Variants in RBMS3 observed in about 807,000 individuals in gnomAD.
RBMS3 encodes RNA binding motif single stranded interacting protein 3, also known as RNA-binding motif, single-stranded-interacting protein 3.
A neutral mutation model predicts 66.8 loss-of-function variants in RBMS3; 27 were observed. The ratio of observed to expected loss-of-function variants is 0.40; its 90% CI spans 0.30 to 0.56. The LOEUF is 0.56. RBMS3 is among the 20% of genes least tolerant of loss of function. RBMS3 has a pLI of 0.40. For missense variants in RBMS3, 513 were observed against 549.5 expected (o/e 0.93, Z 0.66); for synonymous variants, 188 against 183.0 (o/e 1.03, Z -0.22).
intron 1 of RBMS3, among the ~76,000 whole-genome samples, chr3:29,337,076 G>A (rs928209796): frequency 1.3e-4 from 19 of 151,692 alleles, no homozygotes; most frequent in Admixed American, 9.2e-4. Context: ...CATATAATAT[G>A]GTTAATTATT....
intron 3 of RBMS3, among the ~76,000 whole-genome samples, chr3:29,560,651 T>C (rs1424848509): frequency 6.6e-6 from 1 of 152,138 alleles, no homozygotes; most frequent in Non-Finnish European, 1.5e-5. Flanking sequence ...AATTAAAGAA[T>C]GTTGTGATTT....
At chr3:29,375,845 T>C (rs2038435705) in intron 1 of RBMS3, among the ~76,000 whole-genome samples, 1 of 152,164 alleles carries the variant, frequency 6.6e-6, no homozygotes, top group South Asian at 2.1e-4. Flanking sequence ...GCAATCCCAT[T>C]TGGTATATAT....
intron 1 of RBMS3, among the ~76,000 whole-genome samples, chr3:29,331,527 C>A (rs1355146215): frequency 6.6e-6 from 1 of 152,148 alleles, no homozygotes; most frequent in Non-Finnish European, 1.5e-5. Context: ...ATCCGGGGAG[C>A]ACTTCTTTAA....
chr3:29,567,952 G>C (rs1363603755), intron 3 of RBMS3, among the ~76,000 whole-genome samples: 1 of 152,146 alleles, frequency 6.6e-6, no homozygotes, highest in East Asian at 1.9e-4. Flanking sequence ...TCAGTTTTGT[G>C]AAAATGATGG....
At chr3:29,972,948 A>C (rs149797911) in intron 12 of RBMS3, among the ~76,000 whole-genome samples, 1 of 152,220 alleles carries the variant, frequency 6.6e-6, no homozygotes, top group East Asian at 1.9e-4. Flanking sequence ...TCCAAAATAA[A>C]GAAGCAAGCC....
chr3:29,324,612 T>C (rs1184174234), intron 1 of RBMS3, among the ~76,000 whole-genome samples: 1 of 147,464 alleles, frequency 6.8e-6, no homozygotes, highest in African/African-American at 2.7e-5. Context: ...CTTGTTATGC[T>C]CTCCCAGCAT....
At chr3:29,283,309 A>G (rs1310996185) in intron 1 of RBMS3, among the ~76,000 whole-genome samples, 2 of 152,214 alleles carry the variant, frequency 1.3e-5, no homozygotes, top group Non-Finnish European at 2.9e-5. Context: ...CTACTATGGT[A>G]TATATTCAGA....
chr3:29,351,857 T>G (rs1287047076), intron 1 of RBMS3, among the ~76,000 whole-genome samples: 1 of 152,048 alleles, frequency 6.6e-6, no homozygotes, highest in Non-Finnish European at 1.5e-5. Context: ...ATTTTTATAT[T>G]TTAGTGTAAG....
In RBMS3 at chr3:29,865,682, C is replaced by T. The variant is rs145526871; in HGVS notation, c.638-3176C>T. On this transcript the variant is annotated intron_variant, in intron 6 of 14. Transcript: ENST00000383767. ...TGCTCCTCACCTATGAATTAGACAT[C>T]CAAGAGGACAATCAAGTTCGATCTC... 4.0e-3 allele frequency among the ~76,000 whole-genome samples: 616 copies of T among 152,190 alleles called. 5 individuals carry two copies. Among genetic ancestry groups the T allele is most frequent in the Non-Finnish European group, 6.5e-3 (441 of 68,016 alleles).
At chr3:29,482,015 G>T (rs962135790) in intron 2 of RBMS3, among the ~76,000 whole-genome samples, 12 of 152,132 alleles carry the variant, frequency 7.9e-5, no homozygotes, top group Admixed American at 5.9e-4. Context: ...TGAGTAATTT[G>T]CCCTAGGTCA....
chr3:29,650,274 T>C (rs1169656625), intron 4 of RBMS3, among the ~76,000 whole-genome samples: 1 of 122,864 alleles, frequency 8.1e-6, no homozygotes, highest in African/African-American at 2.9e-5. Context: ...ATTACTCCTT[T>C]CTTTCTTTTT....
intron 6 of RBMS3, chr3:29,767,376 T>C (rs1576745166): frequency 1.3e-5 from 2 of 150,196 alleles, no homozygotes; most frequent in South Asian, 2.1e-4. Flanking sequence ...AATAACTAAC[T>C]TCTGGTATGC....
chr3:29,640,634 G>A (rs1343165449), intron 4 of RBMS3, among the ~76,000 whole-genome samples: 1 of 151,920 alleles, frequency 6.6e-6, no homozygotes, highest in African/African-American at 2.4e-5. Flanking sequence ...CTGGTTCAAA[G>A]TGGAGGAAAA....
intron 1 of RBMS3, among the ~76,000 whole-genome samples, chr3:29,386,678 G>C (rs1248514008): frequency 6.6e-6 from 1 of 151,952 alleles, no homozygotes; most frequent in South Asian, 2.1e-4. Context: ...CCCATCTTAA[G>C]AGAAAAAAAG....
intron 1 of RBMS3, among the ~76,000 whole-genome samples, chr3:29,312,097 AGAAGGTCT>A (rs1441497453): frequency 6.6e-6 from 1 of 151,762 alleles, no homozygotes; most frequent in Non-Finnish European, 1.5e-5. Context: ...AAGGGATTTG[AGAAGGTCT>A]GAAGGCAGGA....
intron 12 of RBMS3, among the ~76,000 whole-genome samples, chr3:29,957,233 G>T (rs1483070379): frequency 2.0e-5 from 3 of 152,028 alleles, no homozygotes; most frequent in Admixed American, 2.0e-4. Context: ...CCCCTCTAGA[G>T]TAAAGGCTAT....
intron 10 of RBMS3, among the ~76,000 whole-genome samples, chr3:29,904,984 TA>T (rs2060340863): frequency 6.6e-6 from 1 of 152,082 alleles, no homozygotes; most frequent in African/African-American, 2.4e-5. Flanking sequence ...CTTTAAATTT[TA>T]ATTGTATATT....
chr3:29,718,186 TAA>T (rs1373968803), intron 4 of RBMS3, among the ~76,000 whole-genome samples: 1 of 152,124 alleles, frequency 6.6e-6, no homozygotes, highest in Non-Finnish European at 1.5e-5. Flanking sequence ...AAATCTGAAG[TAA>T]AAGTCTCCTG....
intron 4 of RBMS3, among the ~76,000 whole-genome samples, chr3:29,608,087 C>T (rs2048370457): frequency 1.3e-5 from 2 of 151,772 alleles, no homozygotes; most frequent in South Asian, 4.1e-4. Context: ...ACCACTTTCT[C>T]ACTCTTCAAG....
Sources: gnomAD v4.1 joint callset for allele counts (sites outside exome capture counted in the v4.1 genomes callset) on GRCh38, gnomAD v4.1.1 for gene constraint, MANE v1.5 for transcripts, NCBI Gene and HGNC (gene_info 2026-07-23, HGNC 2026-07-21) for gene names.